The following GDAP2 variants were observed in gnomAD, a reference collection of about 807,000 sequenced individuals.
The protein encoded by GDAP2 is ganglioside-induced differentiation-associated protein 2.
GDAP2 carries 51 observed loss-of-function variants against 67.0 expected under a neutral mutation model. The observed-to-expected ratio is 0.76, with a 90% CI of 0.61 to 0.96. The LOEUF (loss-of-function observed/expected upper bound fraction) is 0.96. Ranked by LOEUF, GDAP2 falls within the 40% of genes least tolerant of loss-of-function variation. GDAP2 has a pLI of 0.00. For synonymous variants in GDAP2, 203 were observed against 207.3 expected (o/e 0.98, Z 0.18); for missense variants, 547 against 588.3 (o/e 0.93, Z 0.73).
At chr1:117,893,567 C>T (rs1280364917) in intron 8 of GDAP2, among the ~76,000 whole-genome samples, 1 of 152,070 alleles carries the variant, frequency 6.6e-6, no homozygotes, top group Non-Finnish European at 1.5e-5. Context: ...ATTTGTTCAA[C>T]CTAATTAATT....
intron 8 of GDAP2, among the ~76,000 whole-genome samples, chr1:117,895,059 T>C (rs909071088): frequency 1.3e-5 from 2 of 152,158 alleles, no homozygotes; most frequent in Admixed American, 1.3e-4. Context: ...TATAAAGTCA[T>C]GCTATACATT....
intron 9 of GDAP2, among the ~76,000 whole-genome samples, chr1:117,887,101 T>C (rs2101127210): frequency 6.6e-6 from 1 of 152,004 alleles, no homozygotes; most frequent in East Asian, 1.9e-4. Flanking sequence ...GCTAATTTTT[T>C]CATTATTTTG....
At chr1:117,899,036 A>T in intron 7 of GDAP2, 21 bp downstream of exon 7, 3 of 1,603,766 alleles carry the variant, frequency 1.9e-6, no homozygotes, top group Non-Finnish European at 2.6e-6. Flanking sequence ...AGATTTAAAA[A>T]GTTAGAGCTC....
chr1:117,919,670 T>A lies in GDAP2; in HGVS notation c.176+512A>T, dbSNP rs938839655. Among the ~76,000 whole-genome samples, 6 of 152,304 alleles carry A rather than the reference T, an allele frequency of 3.9e-5. No homozygotes were observed. In the East Asian group the frequency reaches 9.6e-4, roughly 24 times the overall value. The stretch of plus-strand genomic sequence containing the variant: ...ATTAAAAATCACTAGATTGTGCAAT[T>A]TGAATTGATGAATTATATTGTATAT... On this transcript the variant is annotated intron_variant, in intron 2 of 13. Coordinates refer to ENST00000369443, the MANE Select transcript of GDAP2 (RefSeq NM_017686.4).
chr1:117,927,762 T>C (rs1444696747), intron 1 of GDAP2, among the ~76,000 whole-genome samples: 2 of 152,186 alleles, frequency 1.3e-5, no homozygotes, highest in Non-Finnish European at 2.9e-5. Flanking sequence ...AACAAGAACA[T>C]TCCTAAGCTT....
intron 13 of GDAP2, among the ~76,000 whole-genome samples, chr1:117,871,971 C>A (rs1386787391): frequency 6.6e-6 from 1 of 151,848 alleles, no homozygotes; most frequent in Admixed American, 6.6e-5. Context: ...CCAGAATCCA[C>A]AAGGAACTTA....
At chr1:117,921,075 AC>A (rs1260611370) in intron 1 of GDAP2, among the ~76,000 whole-genome samples, 1 of 152,212 alleles carries the variant, frequency 6.6e-6, no homozygotes, top group African/African-American at 2.4e-5. Flanking sequence ...AGCGTCAAGT[AC>A]TAGAGAGAAG....
intron 3 of GDAP2, among the ~76,000 whole-genome samples, chr1:117,915,958 T>C (rs1650033229): frequency 6.6e-6 from 1 of 152,224 alleles, no homozygotes; most frequent in African/African-American, 2.4e-5. Context: ...CCAAATATTC[T>C]CTTCTCTATG....
intron 3 of GDAP2, among the ~76,000 whole-genome samples, chr1:117,916,607 T>C (rs974129112): frequency 3.3e-5 from 5 of 152,188 alleles, no homozygotes; most frequent in African/African-American, 1.2e-4. Flanking sequence ...GGAATGATGG[T>C]TGCATATGCT....
chr1:117,895,047 G>C (rs2101134780), intron 8 of GDAP2, among the ~76,000 whole-genome samples: 1 of 152,206 alleles, frequency 6.6e-6, no homozygotes, highest in Non-Finnish European at 1.5e-5. Flanking sequence ...AACGTATCAT[G>C]TTATAAAGTC....
chr1:117,878,640 TTC>T (rs2101119671), intron 12 of GDAP2, among the ~76,000 whole-genome samples: 1 of 152,326 alleles, frequency 6.6e-6, no homozygotes, highest in South Asian at 2.1e-4. Context: ...TGGCATGAAT[TTC>T]TTTCTCGAAG....
chr1:117,882,573 A>G (rs1648691504), intron 11 of GDAP2, among the ~76,000 whole-genome samples: 1 of 152,170 alleles, frequency 6.6e-6, no homozygotes, highest in Non-Finnish European at 1.5e-5. Flanking sequence ...CGTGAAGTTA[A>G]TTGGAAAGGA....
At chr1:117,918,176 T>C (rs763250389) in intron 3 of GDAP2, among the ~76,000 whole-genome samples, 8 of 152,216 alleles carry the variant, frequency 5.3e-5, no homozygotes, top group Non-Finnish European at 8.8e-5. Context: ...AATGGGAAGA[T>C]TGAATTTCAC....
intron 9 of GDAP2, among the ~76,000 whole-genome samples, chr1:117,886,998 C>T (rs985356562): frequency 9.2e-5 from 14 of 152,060 alleles, no homozygotes; most frequent in African/African-American, 1.2e-4. Context: ...TCATAGCTTA[C>T]TGCAGCCTCC....
intron 1 of GDAP2, among the ~76,000 whole-genome samples, chr1:117,925,521 T>C (rs978973798): frequency 1.3e-5 from 2 of 152,144 alleles, no homozygotes; most frequent in African/African-American, 4.8e-5. Context: ...TCCTCAACTT[T>C]TGATGTAGTT....
chr1:117,867,183 C>A lies in GDAP2; in HGVS notation c.*3386G>T, dbSNP rs1050060197. On this transcript the variant is annotated 3_prime_UTR_variant, in exon 14 of 14. Coordinates refer to ENST00000369443, the MANE Select transcript of GDAP2 (RefSeq NM_017686.4). ...CAAGACTAAACCTACAGTTTGAATT[C>A]ATTAAACAATATCCAAGCAAACAGA... 2 of 152,086 alleles carry A rather than the reference C, an allele frequency of 1.3e-5. No homozygotes were observed. The highest frequency in any genetic ancestry group is 4.8e-5 in the African/African-American group (2 of 41,398). 9.4% of individuals were successfully genotyped at this position (152,086 alleles called of 1,614,324 possible).
chr1:117,926,899 C>T (rs1279974984), intron 1 of GDAP2, among the ~76,000 whole-genome samples: 2 of 151,980 alleles, frequency 1.3e-5, no homozygotes, highest in African/African-American at 4.8e-5. Flanking sequence ...TAGCCACAGC[C>T]AGAATTTTTG....
At chr1:117,894,477 A>T (rs190627155) in intron 8 of GDAP2, among the ~76,000 whole-genome samples, 76 of 152,342 alleles carry the variant, frequency 5.0e-4, no homozygotes, top group African/African-American at 1.7e-3. Flanking sequence ...ACCAATAAAC[A>T]AAAAAGGCCA....
chr1:117,889,065 AATTTT>A (rs1053339177), intron 8 of GDAP2, among the ~76,000 whole-genome samples: 6 of 152,162 alleles, frequency 3.9e-5, no homozygotes, highest in Admixed American at 1.3e-4. Flanking sequence ...AGTAGCTTTT[AATTTT>A]GTTTCAAAAT....
Sources: gnomAD v4.1 joint callset for allele counts (sites outside exome capture counted in the v4.1 genomes callset) on GRCh38, gnomAD v4.1.1 for gene constraint, MANE v1.5 for transcripts, NCBI Gene and HGNC (gene_info 2026-07-23, HGNC 2026-07-21) for gene names.